Variants in PTPRK observed in about 807,000 individuals in gnomAD.
PTPRK encodes the protein protein tyrosine phosphatase receptor type K.
PTPRK carries 75 observed loss-of-function variants against 178.0 expected under a neutral mutation model. That is an observed-to-expected ratio of 0.42 (90% confidence interval 0.35 to 0.51). The LOEUF is 0.51. PTPRK is among the 20% of genes least tolerant of loss of function. The pLI, the probability that PTPRK is intolerant of heterozygous loss-of-function variation, is 0.02. For synonymous variants in PTPRK, 637 were observed against 620.6 expected (o/e 1.03, Z -0.39); for missense variants, 1,441 against 1,797.8 (o/e 0.80, Z 3.59).
At chr6:128,447,731 TCTC>T (rs1847215758) in intron 1 of PTPRK, among the ~76,000 whole-genome samples, 1 of 151,662 alleles carries the variant, frequency 6.6e-6, no homozygotes, top group Non-Finnish European at 1.5e-5. Context: ...TTCAAGCAAT[TCTC>T]CTGCCTCGCC....
intron 2 of PTPRK, among the ~76,000 whole-genome samples, chr6:128,327,158 T>C (rs1222361285): frequency 6.6e-6 from 1 of 152,084 alleles, no homozygotes; most frequent in Non-Finnish European, 1.5e-5. Context: ...GCCCTATGGA[T>C]TTTATACATT....
At chr6:128,465,328 C>A (rs1001993479) in intron 1 of PTPRK, among the ~76,000 whole-genome samples, 1 of 151,936 alleles carries the variant, frequency 6.6e-6, no homozygotes, top group African/African-American at 2.4e-5. Context: ...ATTAATTTTG[C>A]AAATCCATAT....
chr6:127,985,592 A>T, intron 22 of PTPRK, 129 bp downstream of exon 22: 1 of 1,061,408 alleles, frequency 9.4e-7, no homozygotes, highest in Non-Finnish European at 1.3e-6. Context: ...TTGCTGTTTT[A>T]CTTTATCTAT....
intron 3 of PTPRK, among the ~76,000 whole-genome samples, chr6:128,263,113 A>C (rs1001937661): frequency 1.3e-5 from 2 of 152,124 alleles, no homozygotes; most frequent in East Asian, 3.9e-4. Context: ...CCCTGGGCCA[A>C]ACACAAGGAA....
intron 13 of PTPRK, among the ~76,000 whole-genome samples, chr6:128,015,113 G>T (rs1455437842): frequency 3.3e-5 from 5 of 151,624 alleles, no homozygotes; most frequent in Non-Finnish European, 7.4e-5. Flanking sequence ...CACTGCTTAA[G>T]GCATCTCCTT....
chr6:128,259,735 A>C (rs1410453294), intron 3 of PTPRK, among the ~76,000 whole-genome samples: 1 of 152,186 alleles, frequency 6.6e-6, no homozygotes, highest in African/African-American at 2.4e-5. Flanking sequence ...AAAATCATAA[A>C]TCCCTAGGAA....
chr6:128,125,231 A>G (rs188399048), intron 7 of PTPRK, among the ~76,000 whole-genome samples: 6 of 152,304 alleles, frequency 3.9e-5, no homozygotes, highest in Admixed American at 1.3e-4. Flanking sequence ...GTAATCCCCA[A>G]TGTAGGAGGT....
chr6:128,056,763 A>T (rs1779972657), intron 13 of PTPRK, among the ~76,000 whole-genome samples: 1 of 152,150 alleles, frequency 6.6e-6, no homozygotes, highest in African/African-American at 2.4e-5. Context: ...CTTTTTACTC[A>T]AGTAAGAGTT....
chr6:128,504,809 T>C (rs1350215035), intron 1 of PTPRK, among the ~76,000 whole-genome samples: 2 of 152,316 alleles, frequency 1.3e-5, no homozygotes, highest in South Asian at 4.1e-4. Context: ...TATTTAAGTA[T>C]ACTACTATCT....
At chr6:128,003,234 T>C (rs1261107226) in intron 15 of PTPRK, 2 of 1,603,846 alleles carry the variant, frequency 1.2e-6, no homozygotes, top group Non-Finnish European at 1.7e-6. Flanking sequence ...CATTGGGCAC[T>C]GCAGGAAAAC....
At chr6:128,173,359 A>T (rs76128174) in intron 7 of PTPRK, among the ~76,000 whole-genome samples, 3,317 of 152,108 alleles carry the variant, frequency 0.022, 99 homozygotes, top group African/African-American at 0.046. Context: ...GCAATAAGAT[A>T]CTAACATATA....
chr6:128,086,196 C>CA, intron 8 of PTPRK, among the ~76,000 whole-genome samples: 1 of 152,066 alleles, frequency 6.6e-6, no homozygotes, highest in African/African-American at 2.4e-5. Context: ...ATATAACTCT[C>CA]AAAATGGAAA....
At chr6:128,217,535 A>C (rs1461796221) in intron 6 of PTPRK, among the ~76,000 whole-genome samples, 1 of 152,242 alleles carries the variant, frequency 6.6e-6, no homozygotes, top group East Asian at 1.9e-4. Context: ...TGGGTAAATT[A>C]TCATAAAGTG....
chr6:128,488,327 A>C (rs898916184), intron 1 of PTPRK, among the ~76,000 whole-genome samples: 1 of 152,214 alleles, frequency 6.6e-6, no homozygotes, highest in Non-Finnish European at 1.5e-5. Flanking sequence ...CCACCCAGAC[A>C]TAGGGTCTGC....
At chr6:128,498,774 G>A (rs1437095675) in intron 1 of PTPRK, among the ~76,000 whole-genome samples, 1 of 152,136 alleles carries the variant, frequency 6.6e-6, no homozygotes, top group East Asian at 1.9e-4. Context: ...CACATAGATA[G>A]ATAAATAGAA....
rs376721182 is a variant in PTPRK, at chr6:128,297,445, T to C, written c.495+24594A>G. ...ACATTTTTTTCAGCACCACACCACA[T>C]CTATTCCAAAATTGACCACATAGTT... On this transcript the variant is annotated intron_variant, in intron 3 of 29. Transcript: ENST00000368226. Among the ~76,000 whole-genome samples, 63 of 152,028 alleles carry C rather than the reference T, an allele frequency of 4.1e-4. 1 individual carries two copies. The highest frequency in any genetic ancestry group is 2.7e-3 in the Admixed American group (41 of 15,234).
intron 3 of PTPRK, among the ~76,000 whole-genome samples, chr6:128,320,758 C>G (rs1195229170): frequency 6.6e-6 from 1 of 152,122 alleles, no homozygotes; most frequent in East Asian, 1.9e-4. Context: ...GCCCACTGAT[C>G]TTGCAACAAG....
At chr6:128,258,219 G>GA (rs1300102589) in intron 3 of PTPRK, among the ~76,000 whole-genome samples, 1 of 151,960 alleles carries the variant, frequency 6.6e-6, no homozygotes, top group Non-Finnish European at 1.5e-5. Flanking sequence ...TCTTCTATAA[G>GA]AAAATAGTGA....
At chr6:128,330,242 A>T (rs1004333760) in intron 2 of PTPRK, among the ~76,000 whole-genome samples, 1 of 151,934 alleles carries the variant, frequency 6.6e-6, no homozygotes, top group Admixed American at 6.6e-5. Flanking sequence ...CATCGGGGAT[A>T]TTTTTTTTCT....
Sources: gnomAD v4.1 joint callset for allele counts (sites outside exome capture counted in the v4.1 genomes callset) on GRCh38, gnomAD v4.1.1 for gene constraint, MANE v1.5 for transcripts, NCBI Gene and HGNC (gene_info 2026-07-23, HGNC 2026-07-21) for gene names.